The following CDH20 variants were observed in gnomAD, a reference collection of about 807,000 sequenced individuals.
The protein encoded by CDH20 is cadherin-20.
Under a neutral mutation model 74.2 loss-of-function variants are expected in CDH20, and 29 were observed. The observed-to-expected ratio is 0.39, with a 90% CI of 0.29 to 0.53. CDH20 has a LOEUF of 0.53. Among genes scored for constraint, CDH20 ranks in the 20% least tolerant of loss-of-function variants. CDH20 has a pLI of 0.69. For missense variants in CDH20, 988 were observed against 1,048.3 expected (o/e 0.94, Z 0.79); for synonymous variants, 469 against 405.4 (o/e 1.16, Z -1.88).
rs1252429407 is a variant in CDH20 at position 61,441,891 on chromosome 18, T to C, written c.-152-48511T>C. On this transcript the variant is annotated intron_variant, in intron 1 of 11. Transcript: ENST00000262717. The stretch of plus-strand genomic sequence containing the variant: ...CCTGTGTTATGAAACTTACAAACTA[T>C]ATCCTTTTTGTGTTCTCTACCCGCA... Among the ~76,000 whole-genome samples, 4 of 152,184 alleles carry C rather than the reference T, an allele frequency of 2.6e-5. No individual in the cohort carries two copies. In the East Asian group the frequency reaches 5.8e-4, roughly 22 times the overall value.
intron 10 of CDH20, 51 bp from the exon 11 acceptor site, chr18:61,549,927 G>A: frequency 6.3e-7 from 1 of 1,582,536 alleles, no homozygotes; most frequent in Non-Finnish European, 8.6e-7. Flanking sequence ...CTCAATCCAA[G>A]AAATTAATTC....
At chr18:61,474,340 T>C (rs1910292996) in intron 1 of CDH20, among the ~76,000 whole-genome samples, 1 of 152,240 alleles carries the variant, frequency 6.6e-6, no homozygotes, top group Admixed American at 6.5e-5. Flanking sequence ...GTGGATATCA[T>C]TATTAAGCTG....
At chr18:61,521,746 C>A (rs1252600145) in intron 6 of CDH20, among the ~76,000 whole-genome samples, 1 of 144,348 alleles carries the variant, frequency 6.9e-6, no homozygotes, top group African/African-American at 2.8e-5. Context: ...GGCTTCATCT[C>A]TGGGATGCAA....
intron 1 of CDH20, among the ~76,000 whole-genome samples, chr18:61,338,854 G>A (rs1909843293): frequency 6.6e-6 from 1 of 152,192 alleles, no homozygotes; most frequent in Admixed American, 6.5e-5. Context: ...TCTTGCATGG[G>A]AGCCCTTTCT....
At chr18:61,452,729 G>A (rs1909436293) in intron 1 of CDH20, among the ~76,000 whole-genome samples, 1 of 152,058 alleles carries the variant, frequency 6.6e-6, no homozygotes, top group South Asian at 2.1e-4. Flanking sequence ...TGTAACACTT[G>A]TATGTTTCCC....
chr18:61,335,581 A>G (rs1048301909), intron 1 of CDH20, among the ~76,000 whole-genome samples: 1 of 152,214 alleles, frequency 6.6e-6, no homozygotes, highest in Non-Finnish European at 1.5e-5. Context: ...CTCAGCATCT[A>G]CTGAGGCTCT....
In CDH20 at chr18:61,353,944, A is replaced by G. The variant is rs997221186; in HGVS notation, c.-153+20117A>G. 2.6e-5 allele frequency among the ~76,000 whole-genome samples: 4 copies of G among 151,870 alleles called. No homozygotes were observed. Among genetic ancestry groups the G allele is most frequent in the South Asian group, 2.1e-4 (1 of 4,804 alleles). On this transcript the variant is annotated intron_variant, in intron 1 of 11. Coordinates refer to ENST00000262717, the MANE Select transcript of CDH20 (RefSeq NM_031891.4). The surrounding 1 kb of genome is among the most constrained non-coding windows in gnomAD (Gnocchi z 4.6). ...CAAAAATACAAAATATTAGTTGGGC[A>G]TGGTGGCGTGCACCTGTGGTCCCAG... is the stretch of plus-strand genomic sequence containing the variant.
chr18:61,457,898 T>C (rs1026046969), intron 1 of CDH20, among the ~76,000 whole-genome samples: 4 of 152,198 alleles, frequency 2.6e-5, no homozygotes, highest in Admixed American at 2.6e-4. Flanking sequence ...TACCCTCTTA[T>C]GTCCTAATTT....
intron 1 of CDH20, among the ~76,000 whole-genome samples, chr18:61,390,314 T>C (rs2144201058): frequency 6.6e-6 from 1 of 152,334 alleles, no homozygotes; most frequent in East Asian, 1.9e-4. Context: ...TTCAGAAAGA[T>C]AGGTCACAAT....
Position 61,550,055 on chromosome 18 carries a change from A to G in CDH20, c.1726A>G (p.Ile576Val). The change falls in exon 11 of 12, where the codon ATA becomes GTA. Residue 576 changes from isoleucine to valine, a missense_variant. Physicochemically the swap from Ile to Val is conservative, Grantham distance 29 (BLOSUM62 3). Transcript: ENST00000262717. ...EQSVFHLPILIADSGQPVLSS... is the reference protein window; with the variant it reads ...EQSVFHLPILVADSGQPVLSS... ...GAGTGTCTTTCACCTGCCTATCCTGATAGCAGATAGCGGGCAGCCCGTGCT... is the reference window on the plus strand; with the variant it reads ...GAGTGTCTTTCACCTGCCTATCCTGGTAGCAGATAGCGGGCAGCCCGTGCT... 1 of 1,614,206 alleles carries G rather than the reference A, an allele frequency of 6.2e-7. No individual in the cohort carries two copies. The highest frequency in any genetic ancestry group is 8.5e-7 in the Non-Finnish European group (1 of 1,180,032).
chr18:61,512,111 A>C (rs1263406753), intron 6 of CDH20, among the ~76,000 whole-genome samples: 9 of 152,230 alleles, frequency 5.9e-5, no homozygotes, highest in African/African-American at 1.9e-4. Context: ...TTGTCTAAGA[A>C]GCCCATACTT....
intron 1 of CDH20, among the ~76,000 whole-genome samples, chr18:61,338,186 GCT>G (rs1363828004): frequency 6.6e-6 from 1 of 152,096 alleles, no homozygotes; most frequent in African/African-American, 2.4e-5. Flanking sequence ...TATGAAACTA[GCT>G]CTCAGAAGAC....
intron 1 of CDH20, among the ~76,000 whole-genome samples, chr18:61,356,627 G>A (rs1056730496): frequency 4.6e-5 from 7 of 152,316 alleles, no homozygotes; most frequent in East Asian, 1.9e-4. Flanking sequence ...AGGCAGTTAA[G>A]TAACTCAATT....
chr18:61,442,313 T>C (rs1368605338), intron 1 of CDH20, among the ~76,000 whole-genome samples: 1 of 148,638 alleles, frequency 6.7e-6, no homozygotes, highest in African/African-American at 2.5e-5. Flanking sequence ...ATCGCACCAC[T>C]GTACTCCAGC....
At chr18:61,541,644 G>A (rs1381563244) in intron 9 of CDH20, among the ~76,000 whole-genome samples, 1 of 152,110 alleles carries the variant, frequency 6.6e-6, no homozygotes, top group Non-Finnish European at 1.5e-5. Flanking sequence ...TTTGATTTGG[G>A]CTCTGGGAAA....
At chr18:61,429,146 C>T (rs1278418539) in intron 1 of CDH20, among the ~76,000 whole-genome samples, 1 of 152,028 alleles carries the variant, frequency 6.6e-6, no homozygotes, top group African/African-American at 2.4e-5. Flanking sequence ...TTTTTGACTC[C>T]CTTGCTACAG....
At chr18:61,485,421 GCCTGGACTACCTCTTCTGAC>G (rs1261571623) in intron 1 of CDH20, among the ~76,000 whole-genome samples, 1 of 152,124 alleles carries the variant, frequency 6.6e-6, no homozygotes, top group African/African-American at 2.4e-5. Context: ...CAAATCTAGT[GCCTGGACTACCTCTTCTGAC>G]CCTGTTGGGA....
intron 1 of CDH20, among the ~76,000 whole-genome samples, chr18:61,412,185 A>G (rs1912534490): frequency 6.6e-6 from 1 of 152,106 alleles, no homozygotes; most frequent in South Asian, 2.1e-4. Flanking sequence ...AATTTAATAG[A>G]AAAATATATA....
intron 6 of CDH20, among the ~76,000 whole-genome samples, chr18:61,526,121 CTTTT>C (rs765492185): frequency 1.1e-5 from 1 of 90,208 alleles, no homozygotes; most frequent in Non-Finnish European, 2.1e-5. Flanking sequence ...AAAAAGTTGA[CTTTT>C]TTTTTTTTTT....
Sources: gnomAD v4.1 joint callset for allele counts (sites outside exome capture counted in the v4.1 genomes callset) on GRCh38, gnomAD v4.1.1 for gene constraint, Gnocchi (gnomAD v3.1) non-coding constraint, MANE v1.5 for transcripts, NCBI Gene and HGNC (gene_info 2026-07-23, HGNC 2026-07-21) for gene names.